Variants in RALGPS2 observed in about 807,000 individuals in gnomAD.
RALGPS2 encodes the protein ras-specific guanine nucleotide-releasing factor RalGPS2.
RALGPS2 carries 43 observed loss-of-function variants against 86.8 expected under a neutral mutation model. The ratio of observed to expected loss-of-function variants is 0.50; its 90% CI spans 0.39 to 0.64. RALGPS2 has a LOEUF of 0.64. RALGPS2 is among the 30% of genes least tolerant of loss of function. The pLI, the probability that RALGPS2 is intolerant of heterozygous loss-of-function variation, is 0.00. For synonymous variants in RALGPS2, 243 were observed against 231.3 expected, an observed-to-expected ratio of 1.05 and a Z score of -0.46; for missense variants, 536 against 694.6, an observed-to-expected ratio of 0.77 and a Z score of 2.57.
chr1:178,913,777 C>T (rs1274215867), intron 19 of RALGPS2, among the ~76,000 whole-genome samples: 2 of 152,184 alleles, frequency 1.3e-5, no homozygotes, highest in Non-Finnish European at 2.9e-5. Flanking sequence ...TGGGCTGTGT[C>T]CTGTAACTCC....
At chr1:178,811,689 T>A (rs981600188) in intron 6 of RALGPS2, among the ~76,000 whole-genome samples, 4 of 152,190 alleles carry the variant, frequency 2.6e-5, no homozygotes, top group African/African-American at 9.6e-5. Context: ...TGGTAAAGTA[T>A]GATATTTATA....
intron 17 of RALGPS2, among the ~76,000 whole-genome samples, chr1:178,900,084 TCAAA>T (rs1011853150): frequency 2.0e-5 from 3 of 151,796 alleles, no homozygotes; most frequent in East Asian, 1.9e-4. Context: ...TTCAGAAAGA[TCAAA>T]CAAACACAAA....
intron 11 of RALGPS2, 76 bp from the exon 12 acceptor site, chr1:178,885,000 C>A: frequency 7.1e-7 from 1 of 1,411,076 alleles, no homozygotes; most frequent in Non-Finnish European, 9.4e-7. Flanking sequence ...AAAATTTGAA[C>A]CACATTTAAT....
intron 1 of RALGPS2, among the ~76,000 whole-genome samples, chr1:178,744,228 C>T (rs1285899314): frequency 6.6e-6 from 1 of 152,116 alleles, no homozygotes; most frequent in East Asian, 1.9e-4. Context: ...TAATTCACTA[C>T]ATTAAGTAAA....
chr1:178,730,206 T>G (rs1348436753), intron 1 of RALGPS2, among the ~76,000 whole-genome samples: 1 of 152,180 alleles, frequency 6.6e-6, no homozygotes, highest in Non-Finnish European at 1.5e-5. Context: ...CCTCCCTAAG[T>G]GCTGAGATTA....
chr1:178,757,401 C>T (rs1652009382), intron 1 of RALGPS2, among the ~76,000 whole-genome samples: 1 of 152,020 alleles, frequency 6.6e-6, no homozygotes, highest in African/African-American at 2.4e-5. Context: ...TTAGCTTTTG[C>T]CTGTTCAGTA....
intron 6 of RALGPS2, among the ~76,000 whole-genome samples, chr1:178,817,237 C>T (rs1655274863): frequency 6.7e-6 from 1 of 150,024 alleles, no homozygotes; most frequent in South Asian, 2.1e-4. Flanking sequence ...CCCAGCTACT[C>T]AGAAGGCTGA....
intron 19 of RALGPS2, among the ~76,000 whole-genome samples, chr1:178,914,047 A>G (rs1333601130): frequency 1.3e-5 from 2 of 152,180 alleles, no homozygotes; most frequent in African/African-American, 2.4e-5. Flanking sequence ...GCCTGCTCCC[A>G]TGGGAGTGGC....
chr1:178,848,843 T>C (rs1657000953), intron 8 of RALGPS2, among the ~76,000 whole-genome samples: 1 of 152,172 alleles, frequency 6.6e-6, no homozygotes, highest in African/African-American at 2.4e-5. Flanking sequence ...TCGGCCAGGC[T>C]GGTCTCAAAC....
At position 178,886,068 on chromosome 1, in the gene RALGPS2, G is replaced by A. The variant is rs769742333; in HGVS notation, c.1140G>A (p.Ala380=). Residue 380 remains alanine (A), a synonymous_variant, in exon 13 of 20, where the codon GCG becomes GCA. Coordinates refer to ENST00000367635, the MANE Select transcript of RALGPS2 (RefSeq NM_152663.5). ...LLDDSVMEPH[A]PSRGQAESST... is the part of the protein sequence containing the mutation. ...ATGATAGCGTCATGGAGCCCCATGC[G>A]CCATCTCGAGGCCAAGCTGAAAGTT... The A allele has an allele frequency of 3.1e-5, 50 of 1,613,532 alleles. No homozygotes were observed. Among genetic ancestry groups the A allele is most frequent in the East Asian group, 2.0e-4 (9 of 44,844 alleles).
chr1:178,738,203 CTTT>C (rs1051296802), intron 1 of RALGPS2, among the ~76,000 whole-genome samples: 5 of 110,720 alleles, frequency 4.5e-5, no homozygotes. Context: ...AGATGGATAT[CTTT>C]TTTTTTTTTT....
intron 1 of RALGPS2, among the ~76,000 whole-genome samples, chr1:178,737,382 A>G (rs1188424951): frequency 6.6e-6 from 1 of 152,140 alleles, no homozygotes; most frequent in Non-Finnish European, 1.5e-5. Flanking sequence ...AGTAGCTGGG[A>G]TTACAGGCGC....
chr1:178,730,805 G>A (rs1022641517), intron 1 of RALGPS2, among the ~76,000 whole-genome samples: 3 of 151,638 alleles, frequency 2.0e-5, no homozygotes, highest in Admixed American at 6.6e-5. Context: ...GGGTTTAAGC[G>A]ATTCTCCTGC....
At chr1:178,773,633 A>G (rs780337681) in intron 1 of RALGPS2, among the ~76,000 whole-genome samples, 1 of 151,996 alleles carries the variant, frequency 6.6e-6, no homozygotes, top group Admixed American at 6.6e-5. Flanking sequence ...CATCTCTACT[A>G]AAAATACAAA....
Position 178,780,348 on chromosome 1 carries a change from G to A in RALGPS2, c.57+3527G>A, listed in dbSNP as rs930073867. 3.3e-5 allele frequency among the ~76,000 whole-genome samples: 5 copies of A among 152,066 alleles called. No individual in the cohort carries two copies. In the East Asian group the frequency reaches 5.8e-4, roughly 18 times the overall value. ...ACTGTACTACCATGTTAGTTTGGTC[G>A]TTTATTATTTCTTGTCTAGATTAGT... On this transcript the variant is annotated intron_variant, in intron 2 of 19. Transcript: ENST00000367635.
rs146492484 is a variant in RALGPS2 at position 178,776,256 on chromosome 1, A to G, written c.-83-426A>G. 1.4e-3 allele frequency among the ~76,000 whole-genome samples: 217 copies of G among 152,334 alleles called. 1 individual carries two copies. Among genetic ancestry groups the G allele is most frequent in the Admixed American group, 5.0e-3 (76 of 15,302 alleles). On this transcript the variant is annotated intron_variant, in intron 1 of 19. Coordinates refer to ENST00000367635, the MANE Select transcript of RALGPS2 (RefSeq NM_152663.5). ...AGTATTTGTGATATGTTGGTAATCT[A>G]GATCACTAGCTGTGATAAGCTTATT...
At chr1:178,866,483 T>TA (rs1398297643) in intron 8 of RALGPS2, among the ~76,000 whole-genome samples, 1 of 152,180 alleles carries the variant, frequency 6.6e-6, no homozygotes, top group Non-Finnish European at 1.5e-5. Flanking sequence ...TGTGGGTAAT[T>TA]ATATTTCCTG....
intron 11 of RALGPS2, 35 bp from the exon 12 acceptor site, chr1:178,885,041 A>G: frequency 6.5e-7 from 1 of 1,534,852 alleles, no homozygotes; most frequent in African/African-American, 1.4e-5. Context: ...AAAATAAAGT[A>G]ATCATTTGAA....
chr1:178,748,470 A>G (rs557996035), intron 1 of RALGPS2, among the ~76,000 whole-genome samples: 1 of 152,386 alleles, frequency 6.6e-6, no homozygotes, highest in East Asian at 1.9e-4. Context: ...TGATGTGACT[A>G]TACTATTTAG....
Sources: gnomAD v4.1 joint callset for allele counts (sites outside exome capture counted in the v4.1 genomes callset) on GRCh38, gnomAD v4.1.1 for gene constraint, MANE v1.5 for transcripts, NCBI Gene and HGNC (gene_info 2026-07-23, HGNC 2026-07-21) for gene names.